ZNF773: variants seen among roughly 807,000 people sequenced by gnomAD.
The protein encoded by ZNF773 is zinc finger protein 419B.
ZNF773 carries 11 observed loss-of-function variants against 12.8 expected under a neutral mutation model. The ratio of observed to expected loss-of-function variants is 0.86; its 90% CI spans 0.54 to 1.42. The LOEUF (loss-of-function observed/expected upper bound fraction) is 1.42, where lower values mean the gene tolerates loss of function less well. ZNF773 is among the 40% of genes most tolerant of loss of function. ZNF773 has a pLI of 0.00. For synonymous variants in ZNF773, 175 were observed against 178.4 expected (o/e 0.98, Z 0.15); for missense variants, 518 against 527.2 (o/e 0.98, Z 0.17).
downstream of ZNF773, chr19:57,514,381 A>G (rs1443577628): frequency 6.6e-6 from 1 of 152,234 alleles, no homozygotes; most frequent in African/African-American, 2.4e-5. Context: ...ATTGCTACTT[A>G]TTAACTCAAA....
In ZNF773 at chr19:57,507,598, C is replaced by T; in HGVS notation, c.*174C>T. On this transcript the variant is annotated 3_prime_UTR_variant, in exon 4 of 4. Transcript: ENST00000282292. ...AGTGAATATGGTAAAAGGCCTCAGCCAAAGGCCTAACCGTATTCAACACCA... is the reference window on the plus strand; with the variant it reads ...AGTGAATATGGTAAAAGGCCTCAGCTAAAGGCCTAACCGTATTCAACACCA... The T allele has an allele frequency of 7.0e-7, 1 of 1,419,122 alleles. No homozygotes were observed. Among genetic ancestry groups the T allele is most frequent in the Non-Finnish European group, 9.1e-7 (1 of 1,094,544 alleles). The allele number at this position is 1,419,122 out of a possible 1,614,324, so 87.9% of individuals were successfully genotyped here.
chr19:57,504,022 A>T (rs1375742685), intron 1 of ZNF773, among the ~76,000 whole-genome samples: 2 of 152,222 alleles, frequency 1.3e-5, no homozygotes, highest in African/African-American at 4.8e-5. Context: ...TTTTCAACAC[A>T]GAAATGGAAG....
At chr19:57,512,917 G>A (rs894602794), downstream of ZNF773, 8 of 1,287,322 alleles carry the variant, frequency 6.2e-6, no homozygotes, top group Middle Eastern at 2.0e-4. Flanking sequence ...ACAAAGGGCT[G>A]TAGAAGCTCA....
Position 57,500,011 on chromosome 19 carries a change from A to G in ZNF773, c.-70A>G. On this transcript the variant is annotated 5_prime_UTR_variant, in exon 1 of 4. Coordinates refer to ENST00000282292, the MANE Select transcript of ZNF773 (RefSeq NM_198542.3). ...TTCTCGCAGCTCAGAGGCGGGTCTG[A>G]GGCTCGGTGGCGGCGCCCAGGGTGG... 1 of 1,525,456 alleles carries G rather than the reference A, an allele frequency of 6.6e-7. No homozygotes were observed. The highest frequency in any genetic ancestry group is 1.7e-4 in the Middle Eastern group (1 of 5,852). The allele number at this position is 1,525,456 out of a possible 1,614,324, so 94.5% of individuals were successfully genotyped here.
chr19:57,512,458 C>A (rs983393218), downstream of ZNF773, among the ~76,000 whole-genome samples: 1 of 135,500 alleles, frequency 7.4e-6, no homozygotes, highest in Admixed American at 8.4e-5. Context: ...GGCTGGAGTG[C>A]AGTGGCATGA....
At chr19:57,504,374 G>A (rs1363739220) in intron 1 of ZNF773, among the ~76,000 whole-genome samples, 1 of 152,192 alleles carries the variant, frequency 6.6e-6, no homozygotes, top group Non-Finnish European at 1.5e-5. Context: ...AAATTTGATT[G>A]TATTTGGGAA....
chr19:57,503,908 T>A (rs1255634826), intron 1 of ZNF773, among the ~76,000 whole-genome samples: 4 of 152,084 alleles, frequency 2.6e-5, no homozygotes, highest in African/African-American at 9.7e-5. Flanking sequence ...TCCACCTGCC[T>A]CCGCCTCCAA....
intron 1 of ZNF773, among the ~76,000 whole-genome samples, chr19:57,500,490 T>G (rs1458280756): frequency 2.8e-5 from 4 of 145,288 alleles, no homozygotes. Context: ...CAAAACAGAC[T>G]GGGGTGGGGG....
downstream of ZNF773, chr19:57,514,929 A>G (rs923957653): frequency 6.6e-6 from 1 of 152,178 alleles, no homozygotes; most frequent in African/African-American, 2.4e-5. Context: ...AGACAGACCT[A>G]TTTTACTGAT....
At chr19:57,510,207 C>T (rs924136287), downstream of ZNF773, among the ~76,000 whole-genome samples, 8 of 152,226 alleles carry the variant, frequency 5.3e-5, no homozygotes, top group African/African-American at 1.9e-4. Context: ...AATAATAAAT[C>T]ATAACCTAGT....
chr19:57,499,969 G>C lies in ZNF773; in HGVS notation c.-112G>C. Reference sequence around the variant, plus strand: ...TGCGGCGACCAGCTCCGGAAAGCGCGGTGGGGACGCGCTGTGTTCTCGCAG... The same window carrying C: ...TGCGGCGACCAGCTCCGGAAAGCGCCGTGGGGACGCGCTGTGTTCTCGCAG... On this transcript the variant is annotated 5_prime_UTR_variant, in exon 1 of 4. Coordinates refer to ENST00000282292, the MANE Select transcript of ZNF773 (RefSeq NM_198542.3). 2 of 1,395,280 alleles carry C rather than the reference G, an allele frequency of 1.4e-6. No individual in the cohort carries two copies. Among genetic ancestry groups the C allele is most frequent in the South Asian group, 2.7e-5 (2 of 73,910 alleles). 86.4% of individuals were successfully genotyped at this position (1,395,280 alleles called of 1,614,324 possible).
intron 1 of ZNF773, among the ~76,000 whole-genome samples, chr19:57,503,007 A>C (rs996714135): frequency 2.6e-5 from 4 of 152,080 alleles, no homozygotes; most frequent in African/African-American, 9.7e-5. Flanking sequence ...TGTGTTTTTT[A>C]AGTAGATATG....
At chr19:57,504,614 C>A in intron 1 of ZNF773, 43 bp from the exon 2 acceptor site, 1 of 1,609,488 alleles carries the variant, frequency 6.2e-7, no homozygotes, top group Non-Finnish European at 8.5e-7. Context: ...CCTAAATTCC[C>A]CAGTAAGGAG....
downstream of ZNF773, among the ~76,000 whole-genome samples, chr19:57,510,841 C>T (rs1568583418): frequency 6.6e-6 from 1 of 151,936 alleles, no homozygotes; most frequent in Non-Finnish European, 1.5e-5. Context: ...TTAAGGAAGG[C>T]ATAAATAAAT....
At chr19:57,506,293 T>A in intron 3 of ZNF773, 65 bp from the exon 4 acceptor site, 1 of 1,552,682 alleles carries the variant, frequency 6.4e-7, no homozygotes, top group Non-Finnish European at 8.7e-7. Context: ...GTCAGACACG[T>A]GTGAGAGTGC....
downstream of ZNF773, among the ~76,000 whole-genome samples, chr19:57,511,873 A>C (rs2089798815): frequency 6.6e-6 from 1 of 152,188 alleles, no homozygotes; most frequent in South Asian, 2.1e-4. Flanking sequence ...CATAGATAAA[A>C]AAAAGCCCTG....
In ZNF773 at chr19:57,506,224, C is replaced by T. The variant is rs530189099; in HGVS notation, c.263-134C>T. On this transcript the variant is annotated intron_variant, in intron 3 of 3. Transcript: ENST00000282292. ...TTCAGCACTGCACAGCAGGCCCTTCCCCACCAAGCGCTAGCCCCCTCATTC... is the reference window on the plus strand; with the variant it reads ...TTCAGCACTGCACAGCAGGCCCTTCTCCACCAAGCGCTAGCCCCCTCATTC... The T allele has an allele frequency of 7.0e-6, 10 of 1,419,904 alleles. No homozygotes were observed. In the Admixed American group the frequency reaches 2.3e-4, roughly 33 times the overall value. 88.0% of individuals were successfully genotyped at this position (1,419,904 alleles called of 1,614,324 possible).
chr19:57,501,869 C>T (rs1460412167), intron 1 of ZNF773, among the ~76,000 whole-genome samples: 2 of 152,162 alleles, frequency 1.3e-5, no homozygotes, highest in African/African-American at 4.8e-5. Context: ...TGGCTATTCT[C>T]CCTCCCCTTC....
At chr19:57,508,557 G>C (rs1361597667), downstream of ZNF773, 4 of 701,240 alleles carry the variant, frequency 5.7e-6, no homozygotes, top group East Asian at 1.1e-4. Flanking sequence ...TCCTCACTCA[G>C]ATATTCTGTA....
Sources: gnomAD v4.1 joint callset for allele counts (sites outside exome capture counted in the v4.1 genomes callset) on GRCh38, gnomAD v4.1.1 for gene constraint, MANE v1.5 for transcripts, NCBI Gene and HGNC (gene_info 2026-07-23, HGNC 2026-07-21) for gene names.